Variants in SSUH2 observed in about 807,000 individuals in gnomAD.
The protein encoded by SSUH2 is protein SSUH2 homolog.
In SSUH2, 47 loss-of-function variants were observed where a neutral mutation model predicts 55.3. That is an observed-to-expected ratio of 0.85 (90% CI 0.67 to 1.08). The LOEUF is 1.08. SSUH2 is among the 50% of genes least tolerant of loss of function. The pLI is 0.00. For missense variants in SSUH2, 535 were observed against 490.7 expected (o/e 1.09, Z -0.85); for synonymous variants, 212 against 191.5 (o/e 1.11, Z -0.89).
chr3:8,651,904 C>T (rs1702455436), intron 7 of SSUH2: 1 of 152,490 alleles, frequency 6.6e-6, no homozygotes. Context: ...CAACTTCTGT[C>T]TCTTCTCTTC....
upstream of SSUH2, among the ~76,000 whole-genome samples, chr3:8,648,306 T>C (rs1005222581): frequency 6.6e-6 from 1 of 152,208 alleles, no homozygotes; most frequent in East Asian, 1.9e-4. Context: ...CAAACAATTC[T>C]GTGTGTTGTT....
chr3:8,633,182 T>A (rs949792400), intron 4 of SSUH2, among the ~76,000 whole-genome samples: 1 of 149,914 alleles, frequency 6.7e-6, no homozygotes. Context: ...TCGTTCTTGT[T>A]GCCCAGGCTG....
Position 8,630,945 on chromosome 3 carries a change from G to T in SSUH2, c.401-16C>A, listed in dbSNP as rs537441937. 3.6e-6 allele frequency: 5 copies of T among 1,375,934 alleles called. No homozygotes were observed. The South Asian group carries it at 8.2e-5, about 23-fold the overall frequency. The allele number at this position is 1,375,934 out of a possible 1,614,324, so 85.2% of individuals were successfully genotyped here. On this transcript the variant is annotated splice_polypyrimidine_tract_variant and intron_variant, in intron 5 of 11. Transcript: ENST00000544814. Reference sequence around the variant, plus strand: ...ACAGAGTGGTCTGACACAGAAAGGGGTCATTGTAAGAATGACGAAGGGCAG... The same window carrying T: ...ACAGAGTGGTCTGACACAGAAAGGGTTCATTGTAAGAATGACGAAGGGCAG...
intron 2 of SSUH2, among the ~76,000 whole-genome samples, chr3:8,678,292 G>A (rs1415282673): frequency 5.9e-5 from 9 of 152,152 alleles, no homozygotes; most frequent in East Asian, 1.9e-4. Flanking sequence ...TGAATATTGG[G>A]AAGAATATCA....
At chr3:8,653,504 A>C (rs1263622293) in intron 7 of SSUH2, among the ~76,000 whole-genome samples, 3 of 152,252 alleles carry the variant, frequency 2.0e-5, no homozygotes, top group African/African-American at 7.2e-5. Flanking sequence ...AACAAAAAAT[A>C]CAATATGGAT....
rs764687264 is a variant in SSUH2 at position 8,620,024 on chromosome 3, C to T, written c.982-10G>A. 4 of 1,613,464 alleles carry T rather than the reference C, an allele frequency of 2.5e-6. No individual in the cohort carries two copies. The highest frequency in any genetic ancestry group is 3.4e-6 in the Non-Finnish European group (4 of 1,179,640). On this transcript the variant is annotated splice_polypyrimidine_tract_variant and intron_variant, in intron 11 of 11. Coordinates refer to ENST00000544814, the MANE Select transcript of SSUH2 (RefSeq NM_001256748.3). Reference sequence around the variant, plus strand: ...GCTCAATGGTCTGGCGCTGAGGAAACAAATAGCCAAGGAAAATGTCAGTGT... The same window carrying T: ...GCTCAATGGTCTGGCGCTGAGGAAATAAATAGCCAAGGAAAATGTCAGTGT...
chr3:8,642,977 T>C (rs1211549998), intron 1 of SSUH2, among the ~76,000 whole-genome samples: 4 of 152,204 alleles, frequency 2.6e-5, no homozygotes, highest in Non-Finnish European at 5.9e-5. Flanking sequence ...GACAACCCTA[T>C]GAAAGACTCA....
At chr3:8,632,775 G>A (rs547373334) in intron 4 of SSUH2, among the ~76,000 whole-genome samples, 1 of 152,326 alleles carries the variant, frequency 6.6e-6, no homozygotes, top group South Asian at 2.1e-4. Context: ...GCCTGTCAGA[G>A]GCAGGACTTC....
At chr3:8,681,652 G>A (rs1173958008) in intron 1 of SSUH2, among the ~76,000 whole-genome samples, 3 of 148,592 alleles carry the variant, frequency 2.0e-5, no homozygotes, top group Admixed American at 6.7e-5. Context: ...CACCCCCCGT[G>A]CGATGGGGAC....
chr3:8,628,068 T>G (rs1014149101), intron 7 of SSUH2, among the ~76,000 whole-genome samples: 1 of 152,094 alleles, frequency 6.6e-6, no homozygotes, highest in Non-Finnish European at 1.5e-5. Context: ...TACCAAGTGT[T>G]GAGAGGAAGC....
chr3:8,620,762 T>C (rs1055588600), intron 11 of SSUH2, among the ~76,000 whole-genome samples: 7 of 152,172 alleles, frequency 4.6e-5, no homozygotes, highest in African/African-American at 1.7e-4. Flanking sequence ...ATAAAGTCGG[T>C]TTAAACATGT....
At chr3:8,664,039 C>T in intron 5 of SSUH2, 1 of 336,650 alleles carries the variant, frequency 3.0e-6, no homozygotes, top group Admixed American at 3.9e-5. Flanking sequence ...CCCATGTCAA[C>T]ACGAGGTTTC....
intron 7 of SSUH2, chr3:8,629,343 A>C: frequency 3.0e-6 from 1 of 330,202 alleles, no homozygotes; most frequent in Non-Finnish European, 5.5e-6. Context: ...ACTGCCTGGT[A>C]AGAAGAACCC....
intron 5 of SSUH2, among the ~76,000 whole-genome samples, chr3:8,667,170 T>C (rs568671280): frequency 2.0e-5 from 3 of 152,390 alleles, no homozygotes; most frequent in East Asian, 3.8e-4. Context: ...AATAGACTTA[T>C]GGTTATTTCT....
Position 8,676,280 on chromosome 3 carries a change from TAAG to T in SSUH2, c.-753+923_-753+925del, listed in dbSNP as rs201715613. The stretch of plus-strand genomic sequence containing the variant: ...TATCATCCTCTTCCTCCCTGAATAT[TAAG>T]AACAGTATCACAAGGGTGTTTCTAC... On this transcript the variant is annotated intron_variant, in intron 3 of 18. Coordinates refer to the SSUH2 transcript ENST00000317371. 1.3e-3 allele frequency among the ~76,000 whole-genome samples: 201 copies of T among 152,162 alleles called. 4 individuals carry two copies. In the East Asian group the frequency reaches 0.03, roughly 23 times the overall value.
intron 2 of SSUH2, among the ~76,000 whole-genome samples, chr3:8,679,274 C>T (rs1227644242): frequency 1.2e-5 from 1 of 81,226 alleles, no homozygotes; most frequent in Non-Finnish European, 2.8e-5. Context: ...CTTTTAGGAC[C>T]CCCATCGGAG....
chr3:8,678,952 C>T (rs1398231044), intron 2 of SSUH2, among the ~76,000 whole-genome samples: 35 of 104,410 alleles, frequency 3.4e-4, no homozygotes, highest in Non-Finnish European at 5.1e-4. Flanking sequence ...CCTCCTGGCT[C>T]TTGGGACGCC....
chr3:8,679,120 C>CCCATCG, intron 2 of SSUH2, among the ~76,000 whole-genome samples: 1 of 104,916 alleles, frequency 9.5e-6, no homozygotes, highest in African/African-American at 3.2e-5. Flanking sequence ...TCTTAGGACC[C>CCCATCG]AAATTGCGGG....
At chr3:8,634,113 A>G in intron 3 of SSUH2, 5 of 738,354 alleles carry the variant, frequency 6.8e-6, no homozygotes, top group Non-Finnish European at 1.1e-5. Flanking sequence ...TATAGATAAG[A>G]AAAACAGAGG....
Sources: allele counts gnomAD v4.1 joint callset (sites outside exome capture counted in the v4.1 genomes callset), GRCh38; gene constraint gnomAD v4.1.1; transcripts MANE v1.5; gene names NCBI Gene and HGNC (gene_info 2026-07-23, HGNC 2026-07-21).